LRRC4C: variants seen among roughly 807,000 people sequenced by gnomAD.
LRRC4C encodes leucine-rich repeat-containing protein 4C.
LRRC4C carries 5 observed loss-of-function variants against 33.6 expected under a neutral mutation model. The ratio of observed to expected loss-of-function variants is 0.15; its 90% CI spans 0.08 to 0.31. The LOEUF is 0.31. Among genes scored for constraint, LRRC4C ranks in the 10% least tolerant of loss-of-function variants. The pLI is 1.00. For missense variants in LRRC4C, 560 were observed against 796.7 expected (o/e 0.70, Z 3.58); for synonymous variants, 329 against 302.0 (o/e 1.09, Z -0.93).
chr11:40,402,853 A>G (rs1949812535), intron 3 of LRRC4C, among the ~76,000 whole-genome samples: 2 of 152,110 alleles, frequency 1.3e-5, no homozygotes, highest in African/African-American at 4.8e-5. Context: ...GGCATTTCAA[A>G]GAGATTATTT....
rs150815403 is a variant in LRRC4C, at chr11:41,277,738, A to G, written c.-496+181693T>C. Among the ~76,000 whole-genome samples the G allele has an allele frequency of 2.0e-4, 31 of 152,306 alleles. No individual in the cohort carries two copies. The East Asian group carries it at 6.0e-3, about 29-fold the overall frequency. ...GCCTGAAATTATGTTAGTCGTTTTCAGAGAACTAGAAATTTGACTAACATT... is the reference window on the plus strand; with the variant it reads ...GCCTGAAATTATGTTAGTCGTTTTCGGAGAACTAGAAATTTGACTAACATT... On this transcript the variant is annotated intron_variant, in intron 1 of 6. Transcript: ENST00000528697.
At chr11:40,711,082 T>C (rs1024961143) in intron 2 of LRRC4C, among the ~76,000 whole-genome samples, 1 of 152,192 alleles carries the variant, frequency 6.6e-6, no homozygotes, top group Non-Finnish European at 1.5e-5. Flanking sequence ...GTCCCGATTT[T>C]CCTGGTACAG....
chr11:40,770,845 G>C (rs916988969), intron 2 of LRRC4C, among the ~76,000 whole-genome samples: 23 of 152,142 alleles, frequency 1.5e-4, no homozygotes, highest in Admixed American at 7.9e-4. Context: ...ACTGATGGAA[G>C]AGGTGGGCTC....
chr11:41,408,322 T>C (rs1054614470), intron 1 of LRRC4C, among the ~76,000 whole-genome samples: 2 of 152,172 alleles, frequency 1.3e-5, no homozygotes, highest in Non-Finnish European at 2.9e-5. Flanking sequence ...ATATTAATTG[T>C]TTATCCACTT....
chr11:40,344,439 A>C (rs1947026900), intron 3 of LRRC4C, among the ~76,000 whole-genome samples: 1 of 152,128 alleles, frequency 6.6e-6, no homozygotes, highest in South Asian at 2.1e-4. Context: ...AAAAGCTTCC[A>C]GTAAAATTCA....
intron 2 of LRRC4C, among the ~76,000 whole-genome samples, chr11:40,771,989 A>G (rs1949775987): frequency 6.6e-6 from 1 of 152,150 alleles, no homozygotes; most frequent in South Asian, 2.1e-4. Context: ...TCTTACTGTT[A>G]CCTAGTTCCA....
intron 1 of LRRC4C, among the ~76,000 whole-genome samples, chr11:41,049,868 G>T (rs1415380394): frequency 6.6e-6 from 1 of 152,150 alleles, no homozygotes. Context: ...CAGAGACTTT[G>T]TCTTGCTAGT....
chr11:40,572,406 G>A (rs974031511), intron 3 of LRRC4C, among the ~76,000 whole-genome samples: 17 of 152,174 alleles, frequency 1.1e-4, no homozygotes, highest in African/African-American at 4.1e-4. Flanking sequence ...ACGTAGGTAT[G>A]TTCCAACAGG....
intron 1 of LRRC4C, among the ~76,000 whole-genome samples, chr11:41,027,042 G>A (rs766208533): frequency 6.6e-6 from 1 of 151,582 alleles, no homozygotes; most frequent in Non-Finnish European, 1.5e-5. Context: ...TAGTGCTTGT[G>A]AAGCACATGA....
chr11:40,417,536 T>TCTGC (rs1950372132), intron 3 of LRRC4C, among the ~76,000 whole-genome samples: 2 of 151,892 alleles, frequency 1.3e-5, no homozygotes, highest in Admixed American at 6.6e-5. Context: ...GAGACTAAGT[T>TCTGC]TCACCATGTT....
intron 4 of LRRC4C, among the ~76,000 whole-genome samples, chr11:40,247,171 C>T (rs1192680808): frequency 2.0e-5 from 3 of 151,838 alleles, no homozygotes; most frequent in South Asian, 4.1e-4. Flanking sequence ...TGTCTACTAT[C>T]GGCATCAACA....
chr11:40,283,478 C>G (rs1392904874), intron 4 of LRRC4C, among the ~76,000 whole-genome samples: 1 of 151,678 alleles, frequency 6.6e-6, no homozygotes, highest in Non-Finnish European at 1.5e-5. Flanking sequence ...AAATGGGTCC[C>G]TACAGGAAAA....
chr11:40,220,956 A>T (rs1590746228), intron 5 of LRRC4C, among the ~76,000 whole-genome samples: 1 of 151,164 alleles, frequency 6.6e-6, no homozygotes, highest in African/African-American at 2.4e-5. Context: ...GCTCACTGCA[A>T]CCTCCACCTC....
chr11:41,010,693 T>C (rs533540859), intron 1 of LRRC4C, among the ~76,000 whole-genome samples: 1 of 152,288 alleles, frequency 6.6e-6, no homozygotes, highest in African/African-American at 2.4e-5. Flanking sequence ...TTGAGAGAGA[T>C]TAGAAAGTAA....
chr11:41,021,192 AGAGAGAGAGAGAGAGAGAGAGAGT>A (rs1212136240), intron 1 of LRRC4C, among the ~76,000 whole-genome samples: 2 of 80,686 alleles, frequency 2.5e-5, no homozygotes, highest in African/African-American at 1.2e-4. Context: ...AGAGAGAGAG[AGAGAGAGAGAGAGAGAGAGAGAGT>A]GTGTGTGTGT....
intron 1 of LRRC4C, among the ~76,000 whole-genome samples, chr11:41,320,392 G>GT (rs533089553): frequency 6.6e-6 from 1 of 152,114 alleles, no homozygotes; most frequent in Non-Finnish European, 1.5e-5. Context: ...AAAAGGTCAA[G>GT]TTTTTTTCAG....
chr11:40,947,693 C>T (rs1184386334), intron 1 of LRRC4C, among the ~76,000 whole-genome samples: 1 of 151,992 alleles, frequency 6.6e-6, no homozygotes. Context: ...CTCATTCTCT[C>T]TCACTCTCCC....
chr11:40,475,673 TG>T (rs1211816086), intron 3 of LRRC4C, among the ~76,000 whole-genome samples: 1 of 152,154 alleles, frequency 6.6e-6, no homozygotes, highest in African/African-American at 2.4e-5. Context: ...GGGTGGGATT[TG>T]GGGGAGCATT....
intron 1 of LRRC4C, among the ~76,000 whole-genome samples, chr11:41,198,733 T>C (rs1946285586): frequency 6.6e-6 from 1 of 152,012 alleles, no homozygotes; most frequent in Admixed American, 6.6e-5. Context: ...GTTTCTGATA[T>C]ATTGGTAAGA....
Sources: gnomAD v4.1 joint callset for allele counts (sites outside exome capture counted in the v4.1 genomes callset) on GRCh38, gnomAD v4.1.1 for gene constraint, MANE v1.5 for transcripts, NCBI Gene and HGNC (gene_info 2026-07-23, HGNC 2026-07-21) for gene names.